The following CADPS2 variants were observed in gnomAD, a reference collection of about 807,000 sequenced individuals.
CADPS2 encodes calcium-dependent secretion activator 2.
CADPS2 carries 93 observed loss-of-function variants against 172.5 expected under a neutral mutation model. The observed-to-expected ratio is 0.54, with a 90% CI of 0.46 to 0.64. CADPS2 has a LOEUF of 0.64. Ranked by LOEUF, CADPS2 falls within the 30% of genes least tolerant of loss-of-function variation. CADPS2 has a pLI of 0.00. For missense variants in CADPS2, 1,420 were observed against 1,565.9 expected, an observed-to-expected ratio of 0.91 and a Z score of 1.57; for synonymous variants, 546 against 555.2, an observed-to-expected ratio of 0.98 and a Z score of 0.23.
At chr7:122,515,459 A>G (rs2060288030) in intron 8 of CADPS2, among the ~76,000 whole-genome samples, 1 of 152,030 alleles carries the variant, frequency 6.6e-6, no homozygotes, top group Non-Finnish European at 1.5e-5. Flanking sequence ...AACAGCAATG[A>G]CCTCGGGAGC....
intron 3 of CADPS2, among the ~76,000 whole-genome samples, chr7:122,654,028 G>T (rs1382218607): frequency 6.6e-6 from 1 of 152,150 alleles, no homozygotes; most frequent in African/African-American, 2.4e-5. Context: ...AGCTAGAAAG[G>T]ATTAAGCTTA....
At chr7:122,879,556 AAAAAGAAAAG>A (rs201275319) in intron 1 of CADPS2, among the ~76,000 whole-genome samples, 2 of 152,006 alleles carry the variant, frequency 1.3e-5, no homozygotes, top group African/African-American at 4.8e-5. Flanking sequence ...ATAAAAATAA[AAAAAGAAAAG>A]AAAAGAAAAG....
At chr7:122,716,257 C>A (rs2089582694) in intron 2 of CADPS2, among the ~76,000 whole-genome samples, 2 of 152,066 alleles carry the variant, frequency 1.3e-5, no homozygotes, top group South Asian at 4.1e-4. Flanking sequence ...GAAAAAAAGC[C>A]TGCCTCGGAC....
chr7:122,451,942 C>T (rs1042817459), intron 14 of CADPS2, among the ~76,000 whole-genome samples: 1 of 152,064 alleles, frequency 6.6e-6, no homozygotes, highest in Admixed American at 6.5e-5. Context: ...ATTTTTGATA[C>T]ATGTAGAAGT....
chr7:122,729,056 C>T (rs1470343882), intron 2 of CADPS2, among the ~76,000 whole-genome samples: 3 of 151,680 alleles, frequency 2.0e-5, no homozygotes, highest in Non-Finnish European at 4.4e-5. Context: ...ATTTATCATT[C>T]GTTTGCTACC....
At chr7:122,525,080 T>C (rs1017221493) in intron 8 of CADPS2, among the ~76,000 whole-genome samples, 18 of 151,730 alleles carry the variant, frequency 1.2e-4, no homozygotes, top group African/African-American at 4.4e-4. Flanking sequence ...GTCCAGGCTG[T>C]GGTGAGCCAT....
At chr7:122,724,722 C>T (rs987974850) in intron 2 of CADPS2, among the ~76,000 whole-genome samples, 2 of 151,594 alleles carry the variant, frequency 1.3e-5, no homozygotes, top group African/African-American at 2.4e-5. Flanking sequence ...GAACAAAACT[C>T]GCAACGTTTT....
At chr7:122,563,621 A>C (rs1005861991) in intron 7 of CADPS2, among the ~76,000 whole-genome samples, 1 of 152,146 alleles carries the variant, frequency 6.6e-6, no homozygotes, top group Non-Finnish European at 1.5e-5. Flanking sequence ...TTTTGTTCTT[A>C]ATCTTTGGTT....
At chr7:122,447,147 A>G (rs2052359239) in intron 15 of CADPS2, among the ~76,000 whole-genome samples, 1 of 149,250 alleles carries the variant, frequency 6.7e-6, no homozygotes, top group South Asian at 2.1e-4. Context: ...ATCTAAATTC[A>G]GTATCTACAT....
chr7:122,423,833 C>T (rs1479475850), intron 17 of CADPS2, among the ~76,000 whole-genome samples: 1 of 152,122 alleles, frequency 6.6e-6, no homozygotes, highest in Admixed American at 6.5e-5. Flanking sequence ...TAACAAGTTG[C>T]CAGGTGATGC....
intron 1 of CADPS2, among the ~76,000 whole-genome samples, chr7:122,833,046 G>A (rs1460763143): frequency 1.3e-5 from 2 of 152,078 alleles, no homozygotes; most frequent in African/African-American, 2.4e-5. Flanking sequence ...CATCTAGGGA[G>A]GAAAAAAGAT....
At chr7:122,868,373 A>G (rs1366733338) in intron 1 of CADPS2, among the ~76,000 whole-genome samples, 2 of 152,054 alleles carry the variant, frequency 1.3e-5, no homozygotes, top group African/African-American at 4.8e-5. Context: ...GTGGGGGATA[A>G]ATTCCAGCTC....
chr7:122,873,559 C>T (rs566514969), intron 1 of CADPS2, among the ~76,000 whole-genome samples: 62 of 152,276 alleles, frequency 4.1e-4, no homozygotes, highest in African/African-American at 1.4e-3. Context: ...TTTTCTTTAT[C>T]CAGTCTATGA....
chr7:122,366,217 T>C (rs2040820346), intron 25 of CADPS2, among the ~76,000 whole-genome samples: 1 of 151,654 alleles, frequency 6.6e-6, no homozygotes, highest in South Asian at 2.1e-4. Context: ...TAGTAACATA[T>C]TCTTAAAAAA....
intron 11 of CADPS2, among the ~76,000 whole-genome samples, chr7:122,489,322 A>G: frequency 6.6e-6 from 1 of 152,176 alleles, no homozygotes; most frequent in East Asian, 1.9e-4. Context: ...TCAAGATGTT[A>G]TTCCCTTTGA....
chr7:122,688,390 T>G (rs1218996012), intron 2 of CADPS2, among the ~76,000 whole-genome samples: 1 of 152,236 alleles, frequency 6.6e-6, no homozygotes, highest in Non-Finnish European at 1.5e-5. Flanking sequence ...TGCAACAGCC[T>G]TCTAAGTTTC....
intron 1 of CADPS2, among the ~76,000 whole-genome samples, chr7:122,763,842 C>T (rs1230472571): frequency 2.0e-5 from 3 of 151,988 alleles, no homozygotes; most frequent in African/African-American, 2.4e-5. Context: ...TGAGATCGGG[C>T]GCATTCAGGG....
At chr7:122,692,180 TAA>T (rs2084461163) in intron 2 of CADPS2, among the ~76,000 whole-genome samples, 1 of 152,106 alleles carries the variant, frequency 6.6e-6, no homozygotes, top group Non-Finnish European at 1.5e-5. Context: ...TGACTTGCAC[TAA>T]GTCTGTACAT....
chr7:122,501,125 T>C (rs1441032381), intron 9 of CADPS2, among the ~76,000 whole-genome samples: 3 of 152,018 alleles, frequency 2.0e-5, no homozygotes, highest in East Asian at 1.9e-4. Context: ...CATGATGGCA[T>C]ATGCCTGTAG....
Sources: allele counts gnomAD v4.1 joint callset (sites outside exome capture counted in the v4.1 genomes callset), GRCh38; gene constraint gnomAD v4.1.1; transcripts MANE v1.5; gene names NCBI Gene and HGNC (gene_info 2026-07-23, HGNC 2026-07-21).